Variants in ALMS1 observed in about 807,000 individuals in gnomAD.
ALMS1 encodes centrosome-associated protein ALMS1.
Under a neutral mutation model 352.2 loss-of-function variants are expected in ALMS1, and 271 were observed. The ratio of observed to expected loss-of-function variants is 0.77; its 90% CI spans 0.70 to 0.85. The LOEUF is 0.85. Ranked by LOEUF, ALMS1 falls within the 40% of genes least tolerant of loss-of-function variation. The pLI is 0.00. For missense variants in ALMS1, 5,445 were observed against 4,870.7 expected, an observed-to-expected ratio of 1.12 and a Z score of -3.51; for synonymous variants, 1,865 against 1,761.2, an observed-to-expected ratio of 1.06 and a Z score of -1.48.
At position 73,408,766 on chromosome 2, in the gene ALMS1, GCTAA is replaced by G. The variant is rs764559198; in HGVS notation, c.450+22_450+25del. 5.0e-6 allele frequency: 8 copies of G among 1,607,712 alleles called. No homozygotes were observed. The highest frequency in any genetic ancestry group is 5.1e-6 in the Non-Finnish European group (6 of 1,177,164). ...TGATCAGGTATGTCTTCTGTAACTG[GCTAA>G]CTTTTTTTTTTTGATAAGCAGCACA... On this transcript the variant is annotated intron_variant, in intron 2 of 22. Coordinates refer to ENST00000613296, the MANE Select transcript of ALMS1 (RefSeq NM_001378454.1).
intron 9 of ALMS1, among the ~76,000 whole-genome samples, chr2:73,468,646 G>C (rs572797895): frequency 1.5e-4 from 23 of 151,914 alleles, no homozygotes; most frequent in African/African-American, 5.1e-4. Context: ...TACAATATTT[G>C]TCTTTTTGTG....
chr2:73,594,350 A>G (rs1473501772), intron 16 of ALMS1, among the ~76,000 whole-genome samples: 1 of 152,248 alleles, frequency 6.6e-6, no homozygotes, highest in South Asian at 2.1e-4. Flanking sequence ...TTTATAGGCA[A>G]GCATTACTAA....
chr2:73,524,700 G>A (rs55677218), intron 11 of ALMS1, among the ~76,000 whole-genome samples: 19,453 of 152,122 alleles, frequency 0.13, 1,325 homozygotes, highest in East Asian at 0.22. Flanking sequence ...TGATCTGCCT[G>A]CATTGGCCTC....
intron 9 of ALMS1, among the ~76,000 whole-genome samples, chr2:73,463,092 C>G (rs1257874734): frequency 6.6e-6 from 1 of 152,200 alleles, no homozygotes; most frequent in Non-Finnish European, 1.5e-5. Flanking sequence ...GAATTCAGCT[C>G]TGCACCAAGC....
At chr2:73,441,163 G>C (rs1464952585) in intron 7 of ALMS1, among the ~76,000 whole-genome samples, 1 of 152,236 alleles carries the variant, frequency 6.6e-6, no homozygotes, top group Non-Finnish European at 1.5e-5. Context: ...CATGGGGGTA[G>C]AAAATGCTTT....
At chr2:73,418,405 C>G (rs771429650) in intron 2 of ALMS1, among the ~76,000 whole-genome samples, 1 of 152,182 alleles carries the variant, frequency 6.6e-6, no homozygotes, top group Non-Finnish European at 1.5e-5. Flanking sequence ...CAAGCTAAAG[C>G]TGAAGTGAAT....
chr2:73,572,942 A>G lies in ALMS1; in HGVS notation c.11065A>G (p.Thr3689Ala). 6.2e-7 allele frequency: 1 copy of G among 1,614,178 alleles called. No individual in the cohort carries two copies. The highest frequency in any genetic ancestry group is 8.5e-7 in the Non-Finnish European group (1 of 1,180,014). Residue 3689 changes from threonine (T) to alanine (A), a missense_variant, in exon 16 of 23, where the codon ACA becomes GCA. By Grantham distance (58) the Thr-to-Ala change is moderately conservative (BLOSUM62 0). Transcript: ENST00000613296. The stretch of plus-strand genomic sequence containing the variant: ...AAGCCTAGAGAAAAGCCATAAAAAT[A>G]CAGGCGAGCTTAAAAAAAGCAAGGT... ...FKSLEKSHKN[T>A]GELKKSKVLS...
rs202168524 is a variant in ALMS1 at position 73,452,704 on chromosome 2, A to G, written c.6177A>G (p.Gln2059=). The part of the protein sequence containing the change: ...SQTVKPNILF[Q]QQLPDRDQSK... Reference sequence around the variant, plus strand: ...CAGTAAAGCCCAATATTTTATTTCAACAGCAGTTGCCAGATAGAGATCAAA... The same window carrying G: ...CAGTAAAGCCCAATATTTTATTTCAGCAGCAGTTGCCAGATAGAGATCAAA... Residue 2059 remains glutamine (Q), a synonymous_variant, in exon 8 of 23, where the codon CAA becomes CAG. Transcript: ENST00000613296. 7 of 1,613,638 alleles carry G rather than the reference A, an allele frequency of 4.3e-6. No individual in the cohort carries two copies. The highest frequency in any genetic ancestry group is 2.2e-5 in the East Asian group (1 of 44,886).
At chr2:73,576,172 A>G (rs1192010091) in intron 16 of ALMS1, among the ~76,000 whole-genome samples, 3 of 152,128 alleles carry the variant, frequency 2.0e-5, no homozygotes, top group East Asian at 3.8e-4. Flanking sequence ...GTTAGTCTAT[A>G]TATCTCTCTT....
chr2:73,480,200 A>G (rs1487501362), intron 9 of ALMS1, among the ~76,000 whole-genome samples: 3 of 151,942 alleles, frequency 2.0e-5, no homozygotes, highest in African/African-American at 4.8e-5. Context: ...AGCATTAGGT[A>G]TATCTCCTAA....
chr2:73,502,553 A>G (rs907495073), intron 10 of ALMS1, among the ~76,000 whole-genome samples: 1 of 152,012 alleles, frequency 6.6e-6, no homozygotes, highest in African/African-American at 2.4e-5. Context: ...GTAGATTTTT[A>G]ATGGGTGCCT....
chr2:73,454,425 C>T (rs1431407941), intron 8 of ALMS1: 1 of 944,330 alleles, frequency 1.1e-6, no homozygotes, highest in Non-Finnish European at 1.3e-6. Flanking sequence ...TTCTCTAATC[C>T]TCCCATTATA....
rs1337141589 is a variant in ALMS1, at chr2:73,609,700, A to C, written c.*88A>C. ...TTACTTTTGTGAGTCTGGTTGAATA[A>C]AGCTTATTCTTTGTCCATGTGTATT... On this transcript the variant is annotated 3_prime_UTR_variant, in exon 23 of 23. Coordinates refer to ENST00000613296, the MANE Select transcript of ALMS1 (RefSeq NM_001378454.1). 1.5e-6 allele frequency: 2 copies of C among 1,294,210 alleles called. No homozygotes were observed. The highest frequency in any genetic ancestry group is 2.9e-5 in the African/African-American group (2 of 68,354). The allele number at this position is 1,294,210 out of a possible 1,614,324, so 80.2% of individuals were successfully genotyped here.
chr2:73,403,833 GTTAT>G (rs1450825819), intron 1 of ALMS1, among the ~76,000 whole-genome samples: 1 of 152,064 alleles, frequency 6.6e-6, no homozygotes, highest in African/African-American at 2.4e-5. Context: ...CATATAAGTA[GTTAT>G]TTGTGTACAG....
chr2:73,466,886 A>G (rs1672360337), intron 9 of ALMS1, among the ~76,000 whole-genome samples: 1 of 152,118 alleles, frequency 6.6e-6, no homozygotes, highest in Non-Finnish European at 1.5e-5. Flanking sequence ...AAATGGAGTT[A>G]ATTTTTTCCA....
At chr2:73,423,869 C>G (rs1470558435) in intron 4 of ALMS1, among the ~76,000 whole-genome samples, 1 of 151,874 alleles carries the variant, frequency 6.6e-6, no homozygotes, top group Non-Finnish European at 1.5e-5. Flanking sequence ...CCTCTAACTT[C>G]TGGGCTCAAG....
intron 9 of ALMS1, among the ~76,000 whole-genome samples, chr2:73,483,582 A>G (rs1469052195): frequency 2.6e-5 from 4 of 151,762 alleles, no homozygotes; most frequent in South Asian, 2.1e-4. Context: ...GTAGATGTCT[A>G]TTAGGTCCAC....
At chr2:73,423,550 A>G (rs1671322437) in intron 4 of ALMS1, among the ~76,000 whole-genome samples, 1 of 133,760 alleles carries the variant, frequency 7.5e-6, no homozygotes, top group Admixed American at 7.4e-5. Flanking sequence ...GGAATTATTC[A>G]AGAATATGTT....
rs2104103829 is a variant in ALMS1, at chr2:73,572,349, C to T, written c.10472C>T (p.Pro3491Leu). Residue 3491 changes from proline to leucine, a missense_variant, in exon 16 of 23, where the codon CCA becomes CTA. Coordinates refer to ENST00000613296, the MANE Select transcript of ALMS1 (RefSeq NM_001378454.1). ...TACATTCATCATCCCGTACACCTACCAAGTGATCAAGATATTTGCCATGAA... is the reference window on the plus strand; with the variant it reads ...TACATTCATCATCCCGTACACCTACTAAGTGATCAAGATATTTGCCATGAA... ...KFYIHHPVHL[P>L]SDQDICHESL... is the part of the protein sequence containing the mutation. 6.2e-7 allele frequency: 1 copy of T among 1,608,034 alleles called. No homozygotes were observed. The highest frequency in any genetic ancestry group is 8.5e-7 in the Non-Finnish European group (1 of 1,177,562).
Sources: gnomAD v4.1 joint callset for allele counts (sites outside exome capture counted in the v4.1 genomes callset) on GRCh38, gnomAD v4.1.1 for gene constraint, MANE v1.5 for transcripts, NCBI Gene and HGNC (gene_info 2026-07-23, HGNC 2026-07-21) for gene names.